The following KAZN variants were observed in gnomAD, a reference collection of about 807,000 sequenced individuals.
KAZN encodes the protein kazrin.
In KAZN, 40 loss-of-function variants were observed where a neutral mutation model predicts 87.4. The ratio of observed to expected loss-of-function variants is 0.46; its 90% CI spans 0.36 to 0.60. The LOEUF (loss-of-function observed/expected upper bound fraction) is 0.60, where lower values mean the gene tolerates loss of function less well. KAZN is among the 20% of genes least tolerant of loss of function. The pLI, the probability that KAZN is intolerant of heterozygous loss-of-function variation, is 0.00. For synonymous variants in KAZN, 466 were observed against 458.3 expected (o/e 1.02, Z -0.22); for missense variants, 898 against 1,073.9 (o/e 0.84, Z 2.29).
intron 1 of KAZN, among the ~76,000 whole-genome samples, chr1:14,861,521 T>C (rs1406120121): frequency 6.6e-6 from 1 of 152,228 alleles, no homozygotes; most frequent in East Asian, 1.9e-4. Flanking sequence ...TAATGTTTGT[T>C]ACTTCATTCA....
At chr1:14,204,886 GT>G (rs1302873370) in intron 2 of KAZN, among the ~76,000 whole-genome samples, 1 of 152,202 alleles carries the variant, frequency 6.6e-6, no homozygotes, top group Admixed American at 6.5e-5. Flanking sequence ...AGAGGGAAGT[GT>G]ACTAGGGAAT....
At chr1:15,059,081 GA>G (rs1395438515) in intron 5 of KAZN, among the ~76,000 whole-genome samples, 2 of 148,616 alleles carry the variant, frequency 1.3e-5, no homozygotes, top group Non-Finnish European at 3.0e-5. Context: ...CACAAGGAGA[GA>G]AATCAACAGA....
At chr1:14,620,725 C>T (rs1678631264) in intron 1 of KAZN, among the ~76,000 whole-genome samples, 1 of 152,196 alleles carries the variant, frequency 6.6e-6, no homozygotes, top group South Asian at 2.1e-4. Context: ...CCTGCCACTA[C>T]TATAATAGCT....
intron 2 of KAZN, among the ~76,000 whole-genome samples, chr1:14,374,967 T>C (rs780203164): frequency 3.3e-5 from 5 of 152,146 alleles, no homozygotes; most frequent in Admixed American, 6.5e-5. Context: ...CAATTAACTA[T>C]ACTTTACCCA....
At chr1:15,092,073 A>ATTTTTTTTTT (rs58871336) in intron 8 of KAZN, among the ~76,000 whole-genome samples, 21 of 75,424 alleles carry the variant, frequency 2.8e-4, no homozygotes, top group East Asian at 5.6e-4. Context: ...TTTTTTTTTG[A>ATTTTTTTTTT]TTTTTTTTTT....
chr1:14,464,082 G>A (rs1667988716), intron 2 of KAZN, among the ~76,000 whole-genome samples: 1 of 152,228 alleles, frequency 6.6e-6, no homozygotes, highest in Non-Finnish European at 1.5e-5. Context: ...CCTGAGCCAG[G>A]AGGCAAAGAC....
intron 2 of KAZN, among the ~76,000 whole-genome samples, chr1:14,978,846 C>T (rs563199761): frequency 2.0e-5 from 3 of 152,114 alleles, no homozygotes; most frequent in Admixed American, 6.5e-5. Flanking sequence ...TAGGAGTAAA[C>T]GGGGAAGACA....
intron 1 of KAZN, among the ~76,000 whole-genome samples, chr1:14,121,212 G>A (rs924617334): frequency 6.6e-6 from 1 of 152,138 alleles, no homozygotes; most frequent in South Asian, 2.1e-4. Context: ...TATAGTATTA[G>A]CAGGCATTCA....
intron 1 of KAZN, among the ~76,000 whole-genome samples, chr1:14,617,444 C>T (rs1236259958): frequency 1.3e-5 from 2 of 152,044 alleles, no homozygotes; most frequent in Non-Finnish European, 2.9e-5. Flanking sequence ...GGGAAATTGG[C>T]GTTGATAGAC....
intron 2 of KAZN, among the ~76,000 whole-genome samples, chr1:14,979,919 C>T (rs576111586): frequency 1.3e-5 from 2 of 152,274 alleles, no homozygotes; most frequent in Non-Finnish European, 2.9e-5. Flanking sequence ...GACAGAGTCT[C>T]GCTCTGTTGC....
intron 1 of KAZN, among the ~76,000 whole-genome samples, chr1:14,863,768 G>C (rs3765380): frequency 6.6e-6 from 1 of 151,968 alleles, no homozygotes; most frequent in African/African-American, 2.4e-5. Flanking sequence ...GAAGGTGCAC[G>C]GGGGATCAGC....
chr1:14,679,485 G>A (rs914399812), intron 1 of KAZN, among the ~76,000 whole-genome samples: 2 of 152,134 alleles, frequency 1.3e-5, no homozygotes, highest in Non-Finnish European at 2.9e-5. Flanking sequence ...TAGGGGCTGT[G>A]GGTTCCGGAT....
intron 12 of KAZN, 121 bp downstream of exon 12, chr1:15,103,581 G>GCAAATCACATACAAATCAATA (rs1641174966): frequency 1.4e-6 from 1 of 714,096 alleles, no homozygotes; most frequent in African/African-American, 2.0e-5. Context: ...GCAAATCAAT[G>GCAAATCACATACAAATCAATA]GGCAAATCCC....
chr1:14,517,092 A>G (rs76530029), intron 2 of KAZN, among the ~76,000 whole-genome samples: 6,110 of 152,238 alleles, frequency 0.04, 400 homozygotes, highest in African/African-American at 0.14. Context: ...AGAGAGAGGC[A>G]TAATACCTAC....
intron 1 of KAZN, among the ~76,000 whole-genome samples, chr1:14,920,735 G>A (rs1204941161): frequency 6.6e-6 from 1 of 152,194 alleles, no homozygotes; most frequent in Non-Finnish European, 1.5e-5. Flanking sequence ...ACGGGGCCCA[G>A]TGTGACCACA....
intron 2 of KAZN, among the ~76,000 whole-genome samples, chr1:14,370,892 C>G (rs1224762097): frequency 1.3e-5 from 2 of 152,070 alleles, no homozygotes; most frequent in Non-Finnish European, 2.9e-5. Flanking sequence ...GTTGTGTTGT[C>G]CATGCTGATT....
At chr1:14,191,226 G>A (rs1357351085) in intron 2 of KAZN, among the ~76,000 whole-genome samples, 1 of 152,142 alleles carries the variant, frequency 6.6e-6, no homozygotes, top group Non-Finnish European at 1.5e-5. Context: ...AAAATGGATT[G>A]GCTGAGGTGA....
chr1:14,098,531 C>T lies in KAZN; in HGVS notation c.92-81904C>T, dbSNP rs544622532. 7.2e-5 allele frequency among the ~76,000 whole-genome samples: 11 copies of T among 152,242 alleles called. 1 individual carries two copies. In the South Asian group the frequency reaches 2.3e-3, roughly 32 times the overall value. On this transcript the variant is annotated intron_variant, in intron 1 of 16. Transcript: ENST00000636203. ...CATGAAAAGGGGTTGCTGTGGGCAA[C>T]CAGGGTGTTTGAGGAATTGCCTCCA... is the stretch of plus-strand genomic sequence containing the variant.
At chr1:15,050,832 G>T (rs1323466482) in intron 4 of KAZN, among the ~76,000 whole-genome samples, 1 of 152,118 alleles carries the variant, frequency 6.6e-6, no homozygotes, top group African/African-American at 2.4e-5. Context: ...AGCCTGCATT[G>T]GTCCTTGGTC....
Sources: allele counts gnomAD v4.1 joint callset (sites outside exome capture counted in the v4.1 genomes callset), GRCh38; gene constraint gnomAD v4.1.1; transcripts MANE v1.5; gene names NCBI Gene and HGNC (gene_info 2026-07-23, HGNC 2026-07-21).